The following SGIP1 variants were observed in gnomAD, a reference collection of about 807,000 sequenced individuals.
The protein encoded by SGIP1 is SH3-containing GRB2-like protein 3-interacting protein 1.
SGIP1 carries 38 observed loss-of-function variants against 107.5 expected under a neutral mutation model. The ratio of observed to expected loss-of-function variants is 0.35; its 90% CI spans 0.27 to 0.46. SGIP1 has a LOEUF of 0.46. Ranked by LOEUF, SGIP1 falls within the 20% of genes least tolerant of loss-of-function variation. The pLI is 1.00. For synonymous variants in SGIP1, 365 were observed against 366.1 expected (o/e 1.00, Z 0.03); for missense variants, 929 against 1,019.5 (o/e 0.91, Z 1.21).
intron 1 of SGIP1, among the ~76,000 whole-genome samples, chr1:66,595,618 G>T (rs1372660332): frequency 1.3e-5 from 2 of 152,108 alleles, no homozygotes; most frequent in Non-Finnish European, 2.9e-5. Flanking sequence ...GCATGTAAGG[G>T]AGCTTGTGCT....
chr1:66,690,750 T>C (rs1334225190), intron 17 of SGIP1, among the ~76,000 whole-genome samples: 1 of 152,240 alleles, frequency 6.6e-6, no homozygotes, highest in Non-Finnish European at 1.5e-5. Context: ...TCATCATTTT[T>C]GGTTGTCCTT....
intron 1 of SGIP1, among the ~76,000 whole-genome samples, chr1:66,609,589 T>C (rs866263248): frequency 1.3e-5 from 2 of 152,156 alleles, no homozygotes; most frequent in Non-Finnish European, 2.9e-5. Context: ...TCATAACAGA[T>C]TGAATTCTGC....
At chr1:66,609,586 A>G (rs2149129042) in intron 1 of SGIP1, among the ~76,000 whole-genome samples, 1 of 152,324 alleles carries the variant, frequency 6.6e-6, no homozygotes, top group South Asian at 2.1e-4. Context: ...ACTTCATAAC[A>G]GATTGAATTC....
intron 1 of SGIP1, among the ~76,000 whole-genome samples, chr1:66,538,505 A>C (rs1309652822): frequency 6.6e-6 from 1 of 152,174 alleles, no homozygotes; most frequent in Non-Finnish European, 1.5e-5. Context: ...TCTTTAAAAA[A>C]TTAAATTAGA....
At chr1:66,695,014 C>T in intron 17 of SGIP1, 1 of 304,504 alleles carries the variant, frequency 3.3e-6, no homozygotes, top group Non-Finnish European at 5.9e-6. Context: ...TTTCTACAAT[C>T]CATAACTCTG....
chr1:66,569,306 C>A lies in SGIP1; in HGVS notation c.10+34938C>A, dbSNP rs1321282473. Among the ~76,000 whole-genome samples the A allele has an allele frequency of 3.3e-5, 5 of 152,028 alleles. No individual in the cohort carries two copies. In the East Asian group the frequency reaches 5.8e-4, roughly 18 times the overall value. On this transcript the variant is annotated intron_variant, in intron 1 of 24. Transcript: ENST00000371037. ...AGAACATCCTTGCTTTCTTTCTGAT[C>A]CTGGTAGAAAAGCTGTGAGTTTCTC...
At chr1:66,613,349 A>C (rs1342859725) in intron 1 of SGIP1, among the ~76,000 whole-genome samples, 3 of 152,056 alleles carry the variant, frequency 2.0e-5, no homozygotes, top group African/African-American at 7.2e-5. Context: ...TTTGTTTCTG[A>C]GTCAGAGTCT....
chr1:66,748,300 A>C lies in SGIP1; in HGVS notation c.*5205A>C, dbSNP rs1017134817. 6.6e-6 allele frequency: 1 copy of C among 151,912 alleles called. No homozygotes were observed. The highest frequency in any genetic ancestry group is 6.5e-5 in the Admixed American group (1 of 15,270). 9.4% of individuals were successfully genotyped at this position (151,912 alleles called of 1,614,324 possible). ...TAAATATTAAAAACAACAACAAAAC[A>C]CTTGCCTTTCTCTTGTGTCATTGCT... On this transcript the variant is annotated 3_prime_UTR_variant, in exon 25 of 25. Transcript: ENST00000371037.
At chr1:66,556,000 G>A (rs750568174) in intron 1 of SGIP1, among the ~76,000 whole-genome samples, 1 of 152,108 alleles carries the variant, frequency 6.6e-6, no homozygotes, top group Non-Finnish European at 1.5e-5. Flanking sequence ...GCAATCATTA[G>A]CATTATTCTA....
intron 1 of SGIP1, among the ~76,000 whole-genome samples, chr1:66,604,059 C>A (rs756767774): frequency 1.3e-5 from 2 of 151,942 alleles, no homozygotes; most frequent in African/African-American, 4.8e-5. Context: ...TTTATGAATC[C>A]CCGTTATATG....
At chr1:66,566,020 T>TA (rs1450140996) in intron 1 of SGIP1, among the ~76,000 whole-genome samples, 2 of 152,040 alleles carry the variant, frequency 1.3e-5, no homozygotes, top group Non-Finnish European at 2.9e-5. Flanking sequence ...TTTAGGTCCT[T>TA]ACGGCTTCAG....
At chr1:66,613,325 T>TG (rs2068436816) in intron 1 of SGIP1, among the ~76,000 whole-genome samples, 1 of 146,812 alleles carries the variant, frequency 6.8e-6, no homozygotes, top group African/African-American at 2.4e-5. Context: ...AACTTAAGTT[T>TG]TTTTGTGTTT....
intron 7 of SGIP1, among the ~76,000 whole-genome samples, chr1:66,654,243 C>A (rs936657934): frequency 3.9e-5 from 6 of 152,052 alleles, no homozygotes; most frequent in Non-Finnish European, 4.4e-5. Context: ...TCAACTTAAC[C>A]AAGTTTCTTT....
intron 15 of SGIP1, among the ~76,000 whole-genome samples, chr1:66,684,490 A>G (rs1210478069): frequency 6.6e-6 from 1 of 152,154 alleles, no homozygotes; most frequent in Non-Finnish European, 1.5e-5. Context: ...CCAAACCACA[A>G]ACCCAAAGAC....
chr1:66,662,679 T>A (rs992107168), intron 8 of SGIP1, among the ~76,000 whole-genome samples: 6 of 152,210 alleles, frequency 3.9e-5, no homozygotes, highest in African/African-American at 1.4e-4. Context: ...TAGCAGTGTT[T>A]ATCCACTTTG....
chr1:66,632,436 A>G (rs770488574), intron 2 of SGIP1, among the ~76,000 whole-genome samples: 1 of 152,208 alleles, frequency 6.6e-6, no homozygotes, highest in Non-Finnish European at 1.5e-5. Flanking sequence ...AAAATACCAC[A>G]GAAGCTTTTT....
intron 18 of SGIP1, among the ~76,000 whole-genome samples, chr1:66,708,122 C>G (rs1258539263): frequency 6.6e-6 from 1 of 152,032 alleles, no homozygotes; most frequent in Non-Finnish European, 1.5e-5. Flanking sequence ...GAAGTTAGAC[C>G]TGGTTTTCAG....
chr1:66,590,803 T>G (rs2063492291), intron 1 of SGIP1, among the ~76,000 whole-genome samples: 1 of 152,196 alleles, frequency 6.6e-6, no homozygotes. Flanking sequence ...TGTCCTTAGT[T>G]GCCCAGGCTG....
intron 17 of SGIP1, among the ~76,000 whole-genome samples, chr1:66,690,891 G>GA (rs1327966274): frequency 6.6e-6 from 1 of 152,160 alleles, no homozygotes; most frequent in Non-Finnish European, 1.5e-5. Context: ...GCATTTTCAG[G>GA]AAATGCCTTT....
Sources: allele counts gnomAD v4.1 joint callset (sites outside exome capture counted in the v4.1 genomes callset), GRCh38; gene constraint gnomAD v4.1.1; transcripts MANE v1.5; gene names NCBI Gene and HGNC (gene_info 2026-07-23, HGNC 2026-07-21).